Variants in SPAG17 observed in about 807,000 individuals in gnomAD.
SPAG17 encodes the protein sperm-associated antigen 17.
Under a neutral mutation model 273.6 loss-of-function variants are expected in SPAG17, and 169 were observed. That is an observed-to-expected ratio of 0.62 (90% CI 0.55 to 0.70). The LOEUF is 0.70. Among genes scored for constraint, SPAG17 ranks in the 30% least tolerant of loss-of-function variants. SPAG17 has a pLI of 0.00. For synonymous variants in SPAG17, 825 were observed against 873.2 expected, an observed-to-expected ratio of 0.94 and a Z score of 0.97; for missense variants, 2,557 against 2,627.8, an observed-to-expected ratio of 0.97 and a Z score of 0.59.
chr1:118,134,587 G>A (rs773988273), intron 3 of SPAG17, among the ~76,000 whole-genome samples: 18 of 152,110 alleles, frequency 1.2e-4, no homozygotes, highest in Non-Finnish European at 2.5e-4. Context: ...CCCGTACTGT[G>A]GTTCTAACAT....
At chr1:118,111,164 G>A (rs1174053599) in intron 4 of SPAG17, among the ~76,000 whole-genome samples, 1 of 152,130 alleles carries the variant, frequency 6.6e-6, no homozygotes, top group East Asian at 1.9e-4. Flanking sequence ...TGTTAAAGAT[G>A]TATGTTTCTT....
chr1:118,155,641 G>A (rs1489367361), intron 1 of SPAG17, among the ~76,000 whole-genome samples: 2 of 152,174 alleles, frequency 1.3e-5, no homozygotes, highest in Admixed American at 6.5e-5. Flanking sequence ...AGTGGTCAGC[G>A]CCCTTATTAG....
At chr1:118,092,711 C>G (rs530835968) in intron 8 of SPAG17, among the ~76,000 whole-genome samples, 2 of 152,160 alleles carry the variant, frequency 1.3e-5, no homozygotes, top group Non-Finnish European at 2.9e-5. Context: ...ATTTCTTCTA[C>G]TGCAAGCTGA....
At chr1:118,088,058 A>C (rs1175519989) in intron 10 of SPAG17, among the ~76,000 whole-genome samples, 3 of 152,176 alleles carry the variant, frequency 2.0e-5, no homozygotes, top group African/African-American at 7.2e-5. Flanking sequence ...GAAACACCCT[A>C]CTGTCAGAAG....
chr1:118,022,432 A>AAAAC (rs10656769), intron 28 of SPAG17, among the ~76,000 whole-genome samples: 99,793 of 151,442 alleles, frequency 0.66, 33,256 homozygotes, highest in African/African-American at 0.77. Context: ...AAAATGAAAC[A>AAAAC]AAACAAACAG....
chr1:118,066,452 T>G (rs1487608919), intron 18 of SPAG17, among the ~76,000 whole-genome samples: 1 of 152,138 alleles, frequency 6.6e-6, no homozygotes, highest in Non-Finnish European at 1.5e-5. Flanking sequence ...TTGGAGACAG[T>G]TTTACTGGAA....
chr1:118,111,953 C>T (rs573388071), intron 4 of SPAG17, among the ~76,000 whole-genome samples: 10 of 152,080 alleles, frequency 6.6e-5, no homozygotes, highest in South Asian at 2.1e-4. Flanking sequence ...GAAATATGGA[C>T]GACTTATTTG....
rs761484294 is a variant in SPAG17 at position 117,996,630 on chromosome 1, A to C, written c.4890T>G (p.Asn1630Lys). ...CATGTTCACCATAGATTTGCTGATG[A>C]TTCTTTTCAAGGTGCATAGAGGACA... is the stretch of plus-strand genomic sequence containing the variant. ...DSLSSMHLEK[N>K]HQQIYGEHVP... is the part of the protein sequence containing the mutation. The change falls in exon 33 of 49, where the codon AAT becomes AAG. Residue 1630 changes from asparagine (N) to lysine (K), a missense_variant. Asn to Lys is a moderately conservative substitution (Grantham distance 94, BLOSUM62 0). Transcript: ENST00000336338. 1 of 1,611,758 alleles carries C rather than the reference A, an allele frequency of 6.2e-7. No individual in the cohort carries two copies. The highest frequency in any genetic ancestry group is 8.5e-7 in the Non-Finnish European group (1 of 1,179,174).
intron 43 of SPAG17, among the ~76,000 whole-genome samples, chr1:117,978,546 A>G (rs1318031476): frequency 2.0e-5 from 3 of 152,158 alleles, no homozygotes; most frequent in Non-Finnish European, 2.9e-5. Flanking sequence ...TTAGAAAAAT[A>G]TCTCTTCCTT....
chr1:118,052,153 T>A (rs1484018408), intron 20 of SPAG17, among the ~76,000 whole-genome samples: 1 of 146,848 alleles, frequency 6.8e-6, no homozygotes, highest in Admixed American at 6.9e-5. Flanking sequence ...TAATATATAC[T>A]ATTATAATAT....
chr1:117,994,842 G>A (rs530862234), intron 34 of SPAG17, among the ~76,000 whole-genome samples: 1 of 151,978 alleles, frequency 6.6e-6, no homozygotes, highest in East Asian at 1.9e-4. Context: ...TTCCCTCTCT[G>A]TGAACCCTAC....
intron 24 of SPAG17, among the ~76,000 whole-genome samples, chr1:118,035,923 T>TG (rs1228363244): frequency 1.3e-5 from 2 of 152,184 alleles, no homozygotes; most frequent in African/African-American, 4.8e-5. Flanking sequence ...CCAGGTGCAG[T>TG]GGTTCACGTT....
In SPAG17 at chr1:117,970,046, T is replaced by C; in HGVS notation, c.6387+10A>G. 4 of 1,613,170 alleles carry C rather than the reference T, an allele frequency of 2.5e-6. No individual in the cohort carries two copies. Among genetic ancestry groups the C allele is most frequent in the African/African-American group, 1.3e-5 (1 of 74,992 alleles). On this transcript the variant is annotated intron_variant, in intron 46 of 48. Transcript: ENST00000336338. ...GCAAGCACACACAACAGATGACATA[T>C]AGGACTTACAGGTCCAGGTTTGTAA...
intron 31 of SPAG17, among the ~76,000 whole-genome samples, chr1:118,007,479 T>G (rs1017088931): frequency 6.6e-6 from 1 of 152,170 alleles, no homozygotes; most frequent in African/African-American, 2.4e-5. Flanking sequence ...TGACACTGGA[T>G]GGTTGTGTTT....
At chr1:117,977,962 G>A (rs946859485) in intron 43 of SPAG17, among the ~76,000 whole-genome samples, 1 of 152,080 alleles carries the variant, frequency 6.6e-6, no homozygotes, top group Non-Finnish European at 1.5e-5. Context: ...TGATCACACC[G>A]TTTCTTCATC....
intron 48 of SPAG17, chr1:117,954,697 G>C (rs1018984078): frequency 1.4e-6 from 2 of 1,473,266 alleles, no homozygotes; most frequent in Non-Finnish European, 1.9e-6. Flanking sequence ...AAAGGAAGTA[G>C]AGGCATTATG....
chr1:117,960,419 T>C (rs1652911638), intron 48 of SPAG17: 2 of 152,226 alleles, frequency 1.3e-5, no homozygotes, highest in Non-Finnish European at 2.9e-5. Context: ...ACTGTGTTTA[T>C]CAATACTATA....
At chr1:118,070,254 T>G (rs976849788) in intron 17 of SPAG17, among the ~76,000 whole-genome samples, 1 of 152,182 alleles carries the variant, frequency 6.6e-6, no homozygotes, top group Non-Finnish European at 1.5e-5. Context: ...GTCCTAAGAT[T>G]AATTTTAGGA....
At chr1:118,100,749 G>C (rs1374110392) in intron 5 of SPAG17, among the ~76,000 whole-genome samples, 1 of 152,138 alleles carries the variant, frequency 6.6e-6, no homozygotes, top group African/African-American at 2.4e-5. Flanking sequence ...GATAACAACA[G>C]GTAGCTCATT....
Sources: allele counts gnomAD v4.1 joint callset (sites outside exome capture counted in the v4.1 genomes callset), GRCh38; gene constraint gnomAD v4.1.1; transcripts MANE v1.5; gene names NCBI Gene and HGNC (gene_info 2026-07-23, HGNC 2026-07-21).